SVIL: variants seen among roughly 807,000 people sequenced by gnomAD.
SVIL encodes archvillin.
SVIL carries 101 observed loss-of-function variants against 240.4 expected under a neutral mutation model. The observed-to-expected ratio is 0.42, with a 90% confidence interval of 0.36 to 0.50. The LOEUF is 0.50. SVIL is among the 20% of genes least tolerant of loss of function. SVIL has a pLI of 0.01. For synonymous variants in SVIL, 999 were observed against 1,100.0 expected, an observed-to-expected ratio of 0.91 and a Z score of 1.82; for missense variants, 2,512 against 2,818.7, an observed-to-expected ratio of 0.89 and a Z score of 2.46.
intron 1 of SVIL, among the ~76,000 whole-genome samples, chr10:29,584,321 C>T (rs1474779681): frequency 6.6e-6 from 1 of 152,186 alleles, no homozygotes; most frequent in Non-Finnish European, 1.5e-5. Flanking sequence ...GCGGCACCTG[C>T]ATGGGGTTCA....
At chr10:29,668,259 G>A (rs753538088) in intron 2 of SVIL, among the ~76,000 whole-genome samples, 12 of 152,086 alleles carry the variant, frequency 7.9e-5, no homozygotes, top group Non-Finnish European at 1.6e-4. Context: ...AAAAAACAGA[G>A]GAATATGGGG....
At chr10:29,461,440 T>G (rs1391432095) in intron 36 of SVIL, among the ~76,000 whole-genome samples, 2 of 152,110 alleles carry the variant, frequency 1.3e-5, no homozygotes, top group African/African-American at 4.8e-5. Context: ...CAACAGGCCC[T>G]CTCCATTGCT....
intron 3 of SVIL, among the ~76,000 whole-genome samples, chr10:29,656,006 G>A (rs955287536): frequency 1.3e-5 from 2 of 151,384 alleles, no homozygotes; most frequent in African/African-American, 4.9e-5. Context: ...GAGTAGCTGG[G>A]ACTACAGGTA....
intron 3 of SVIL, among the ~76,000 whole-genome samples, chr10:29,649,147 G>A (rs1165536977): frequency 2.0e-5 from 3 of 152,074 alleles, no homozygotes; most frequent in Admixed American, 6.6e-5. Context: ...GTGACAGAGC[G>A]AGGCCCTGTC....
At chr10:29,580,471 A>G (rs749892104) in intron 1 of SVIL, among the ~76,000 whole-genome samples, 1 of 152,210 alleles carries the variant, frequency 6.6e-6, no homozygotes, top group African/African-American at 2.4e-5. Flanking sequence ...AAGCACTCCA[A>G]AAATGGACTG....
Position 29,569,271 on chromosome 10 carries a change from G to GA in SVIL, c.-160dup. ...CCACTTTACCTTGAAACTTTCCTTT[G>GA]ACGTGGGAATCCAAGGAAGCTTAAG... On this transcript the variant is annotated 5_prime_UTR_variant, in exon 2 of 38. Transcript: ENST00000355867. 1 of 985,786 alleles carries GA rather than the reference G, an allele frequency of 1.0e-6. No individual in the cohort carries two copies. Among genetic ancestry groups the GA allele is most frequent in the African/African-American group, 1.7e-5 (1 of 57,350 alleles). 61.1% of individuals were successfully genotyped at this position (985,786 alleles called of 1,614,324 possible).
At chr10:29,666,379 C>T (rs1265091705) in intron 2 of SVIL, among the ~76,000 whole-genome samples, 4 of 152,214 alleles carry the variant, frequency 2.6e-5, no homozygotes, top group African/African-American at 9.6e-5. Flanking sequence ...TTGCATCTGA[C>T]TTCTCTGCCT....
At chr10:29,645,289 G>T (rs1026018007) in intron 3 of SVIL, among the ~76,000 whole-genome samples, 1 of 152,146 alleles carries the variant, frequency 6.6e-6, no homozygotes, top group Non-Finnish European at 1.5e-5. Context: ...GAAGGAAGGG[G>T]CCAGGTGTGG....
chr10:29,673,580 GGAGAGA>G (rs67240015), intron 2 of SVIL, among the ~76,000 whole-genome samples: 3 of 142,616 alleles, frequency 2.1e-5, no homozygotes, highest in African/African-American at 2.7e-5. Context: ...GCATTAGGGG[GGAGAGA>G]GAGAGAGAGA....
intron 1 of SVIL, among the ~76,000 whole-genome samples, chr10:29,609,826 C>T (rs567515249): frequency 6.6e-6 from 1 of 152,360 alleles, no homozygotes; most frequent in South Asian, 2.1e-4. Flanking sequence ...CCACTTGCTG[C>T]TCCATGCCTG....
intron 6 of SVIL, among the ~76,000 whole-genome samples, chr10:29,539,801 A>G (rs887327168): frequency 6.6e-6 from 1 of 152,168 alleles, no homozygotes; most frequent in Non-Finnish European, 1.5e-5. Flanking sequence ...TTACATGCCC[A>G]GAAAATGAAC....
intron 2 of SVIL, among the ~76,000 whole-genome samples, chr10:29,685,032 G>A (rs1960953403): frequency 6.6e-6 from 1 of 152,076 alleles, no homozygotes; most frequent in Non-Finnish European, 1.5e-5. Flanking sequence ...AGGAAGCGTA[G>A]TACCCAATGA....
chr10:29,720,263 A>C (rs1963893372), intron 1 of SVIL, among the ~76,000 whole-genome samples: 1 of 152,198 alleles, frequency 6.6e-6, no homozygotes, highest in Non-Finnish European at 1.5e-5. Flanking sequence ...TAAACAAAAG[A>C]AGGTAAGAAT....
At chr10:29,732,949 A>G (rs979926262) in intron 1 of SVIL, among the ~76,000 whole-genome samples, 4 of 152,156 alleles carry the variant, frequency 2.6e-5, no homozygotes, top group African/African-American at 4.8e-5. Context: ...GCCCACCACA[A>G]AATTACACAG....
chr10:29,503,265 T>C (rs1949037601), intron 17 of SVIL, among the ~76,000 whole-genome samples: 1 of 152,194 alleles, frequency 6.6e-6, no homozygotes, highest in Non-Finnish European at 1.5e-5. Flanking sequence ...GAATAAAAGA[T>C]GAAGAAAAGA....
chr10:29,548,478 G>T (rs550604029), intron 6 of SVIL, among the ~76,000 whole-genome samples: 1 of 152,152 alleles, frequency 6.6e-6, no homozygotes, highest in South Asian at 2.1e-4. Flanking sequence ...TTTAAATTTG[G>T]AAGTAAACAT....
At chr10:29,599,349 C>T (rs1391367137) in intron 1 of SVIL, among the ~76,000 whole-genome samples, 2 of 152,118 alleles carry the variant, frequency 1.3e-5, no homozygotes, top group African/African-American at 4.8e-5. Context: ...CATTCAACAT[C>T]GTGAGAATGT....
At chr10:29,638,840 T>A (rs1958392993), upstream of SVIL, among the ~76,000 whole-genome samples, 2 of 152,242 alleles carry the variant, frequency 1.3e-5, no homozygotes, top group South Asian at 4.1e-4. Context: ...AACCTGCACA[T>A]AATTTTCAGA....
rs769459540 is a variant in SVIL, at chr10:29,532,072, C to T, written c.1939G>A (p.Glu647Lys). 6 of 1,614,160 alleles carry T rather than the reference C, an allele frequency of 3.7e-6. No individual in the cohort carries two copies. Among genetic ancestry groups the T allele is most frequent in the South Asian group, 2.2e-5 (2 of 91,082 alleles). ...RKPRRYFSPG[E>K]SRKTSERFRT... Reference sequence around the variant, plus strand: ...AATCTCTCGGAAGTTTTTCTACTTTCACCAGGAGAAAAATAGCGTCTTGGT... The same window carrying T: ...AATCTCTCGGAAGTTTTTCTACTTTTACCAGGAGAAAAATAGCGTCTTGGT... Residue 647 changes from glutamate (E) to lysine (K), a missense_variant, in exon 9 of 38, where the codon GAA becomes AAA. Glu to Lys is a moderately conservative substitution (Grantham distance 56). Coordinates refer to ENST00000355867, the MANE Select transcript of SVIL (RefSeq NM_021738.3).
Sources: allele counts gnomAD v4.1 joint callset (sites outside exome capture counted in the v4.1 genomes callset), GRCh38; gene constraint gnomAD v4.1.1; transcripts MANE v1.5; gene names NCBI Gene and HGNC (gene_info 2026-07-23, HGNC 2026-07-21).